C5orf34: variants seen among roughly 807,000 people sequenced by gnomAD.
The protein encoded by C5orf34 is uncharacterized protein C5orf34.
C5orf34 carries 73 observed loss-of-function variants against 78.4 expected under a neutral mutation model. The observed-to-expected ratio is 0.93, with a 90% CI of 0.77 to 1.13. The LOEUF (loss-of-function observed/expected upper bound fraction) is 1.13, where lower values mean the gene tolerates loss of function less well. Ranked by LOEUF, C5orf34 falls within the 50% of genes most tolerant of loss-of-function variation. The probability of loss-of-function intolerance (pLI) is 0.00; values close to 1 mark genes in which losing one functional copy is unlikely to be tolerated. For missense variants in C5orf34, 730 were observed against 732.7 expected (o/e 1.00, Z 0.04); for synonymous variants, 251 against 246.6 (o/e 1.02, Z -0.17).
At chr5:43,505,432 A>G (rs1745939021) in intron 4 of C5orf34, 2 of 242,746 alleles carry the variant, frequency 8.2e-6, no homozygotes, top group South Asian at 2.9e-4. Flanking sequence ...GCATACTTTA[A>G]TAATCTTTTT....
At chr5:43,490,557 T>C (rs1021979926) in intron 11 of C5orf34, 74 bp downstream of exon 11, 4 of 966,170 alleles carry the variant, frequency 4.1e-6, no homozygotes, top group Non-Finnish European at 4.8e-6. Flanking sequence ...AAAGTCTCAG[T>C]TTACCATTTG....
chr5:43,509,285 ATTGTAC>A lies in C5orf34; in HGVS notation c.49_54del (p.Val17_Gln18del), dbSNP rs1746120812. Reference sequence around the variant, plus strand: ...AGTTGCAATGTGGAACCATCAACATATTGTACTTGTACTGAATCATCTTCATAAAGT... The same window carrying A: ...AGTTGCAATGTGGAACCATCAACATATTGTACTGAATCATCTTCATAAAGT... On this transcript the variant is annotated inframe_deletion, in exon 2 of 13. Coordinates refer to ENST00000306862, the MANE Select transcript of C5orf34 (RefSeq NM_198566.4). The A allele has an allele frequency of 6.2e-7, 1 of 1,614,132 alleles. No individual in the cohort carries two copies. The highest frequency in any genetic ancestry group is 8.5e-7 in the Non-Finnish European group (1 of 1,179,998).
In C5orf34 at chr5:43,500,647, T is replaced by C. The variant is rs539225639; in HGVS notation, c.1152+1725A>G. ...CTGGCCTCATGTGATCCACCAGCCT[T>C]GGCCTCCCAAAGTGCTGTGATTACA... is the stretch of plus-strand genomic sequence containing the variant. On this transcript the variant is annotated intron_variant, in intron 6 of 12. Transcript: ENST00000306862. Among the ~76,000 whole-genome samples, 4 of 152,346 alleles carry C rather than the reference T, an allele frequency of 2.6e-5. No homozygotes were observed. The South Asian group carries it at 6.2e-4, about 24-fold the overall frequency.
At chr5:43,492,618 T>C in intron 9 of C5orf34, 102 bp downstream of exon 9, 7 of 1,018,356 alleles carry the variant, frequency 6.9e-6, no homozygotes, top group Non-Finnish European at 1.0e-5. Flanking sequence ...ACAGATTTTA[T>C]ACTTCAAAAA....
At chr5:43,513,067 C>T (rs546832661) in intron 1 of C5orf34, among the ~76,000 whole-genome samples, 3 of 151,988 alleles carry the variant, frequency 2.0e-5, no homozygotes, top group East Asian at 3.9e-4. Context: ...CAGGCGTGAG[C>T]CACCGCACCT....
Position 43,501,022 on chromosome 5 carries a change from C to A in C5orf34, c.1152+1350G>T, listed in dbSNP as rs1212975226. Among the ~76,000 whole-genome samples the A allele has an allele frequency of 2.6e-5, 4 of 152,294 alleles. No individual in the cohort carries two copies. The East Asian group carries it at 7.7e-4, about 29-fold the overall frequency. On this transcript the variant is annotated intron_variant, in intron 6 of 12. Transcript: ENST00000306862. ...TGCACACAAAGGTTGGAGAGTGAAG[C>A]CCAAGGCAGTCCACCACAAATGCGT...
In C5orf34 at chr5:43,486,955, A is replaced by T. The variant is rs1204750557; in HGVS notation, c.1877T>A (p.Leu626His). 6.4e-7 allele frequency: 1 copy of T among 1,558,250 alleles called. No homozygotes were observed. The highest frequency in any genetic ancestry group is 8.6e-7 in the Non-Finnish European group (1 of 1,158,016). ...TGATAGAAGACAGTCAATATCGTGA[A>T]GGATTTCAGAGGTTTTTTTCAATGC... ...SIALKKTSEI[L>H]HDIDCLLSNS... Residue 626 changes from leucine (L) to histidine (H), a missense_variant, in exon 13 of 13, where the codon CTT (leucine) becomes CAT (histidine). Leu to His is a moderately conservative substitution (Grantham distance 99). Transcript: ENST00000306862.
chr5:43,514,658 C>G (rs1441783788), intron 1 of C5orf34, 148 bp downstream of exon 1: 2 of 152,182 alleles, frequency 1.3e-5, no homozygotes, highest in Non-Finnish European at 2.9e-5. Flanking sequence ...TCTCATCACC[C>G]AGCACATTAC....
At chr5:43,498,672 T>C (rs2112296009) in intron 6 of C5orf34, among the ~76,000 whole-genome samples, 1 of 152,314 alleles carries the variant, frequency 6.6e-6, no homozygotes, top group South Asian at 2.1e-4. Flanking sequence ...TGGCCTTCAC[T>C]TGAACTACTA....
intron 7 of C5orf34, among the ~76,000 whole-genome samples, 163 bp from the exon 8 acceptor site, chr5:43,493,775 G>A (rs1745384746): frequency 1.3e-5 from 2 of 152,218 alleles, no homozygotes; most frequent in Middle Eastern, 3.4e-3. Flanking sequence ...GCCCCTAGAA[G>A]GGAAATACTG....
At chr5:43,507,355 C>A (rs938688913) in intron 3 of C5orf34, among the ~76,000 whole-genome samples, 1 of 152,126 alleles carries the variant, frequency 6.6e-6, no homozygotes, top group Non-Finnish European at 1.5e-5. Context: ...CCTAAATTTA[C>A]CATGCTATCT....
intron 8 of C5orf34, 147 bp downstream of exon 8, chr5:43,493,396 T>C (rs1452046173): frequency 1.7e-6 from 1 of 586,884 alleles, no homozygotes; most frequent in Admixed American, 3.5e-5. Context: ...GTTTGTCTAC[T>C]AGGTAGGTAT....
intron 4 of C5orf34, among the ~76,000 whole-genome samples, chr5:43,504,148 T>C (rs550184171): frequency 6.6e-6 from 1 of 152,144 alleles, no homozygotes; most frequent in East Asian, 1.9e-4. Flanking sequence ...CCGTCTCTAC[T>C]AAAAATACAA....
At chr5:43,505,163 G>A (rs897228663) in intron 4 of C5orf34, among the ~76,000 whole-genome samples, 2 of 152,194 alleles carry the variant, frequency 1.3e-5, no homozygotes, top group Non-Finnish European at 2.9e-5. Flanking sequence ...CAAAGTTGAT[G>A]TTACAAATCT....
In C5orf34 at chr5:43,493,597, A is replaced by G. The variant is rs1745376383; in HGVS notation, c.1260T>C (p.Cys420=). 1.3e-6 allele frequency: 2 copies of G among 1,576,418 alleles called. No individual in the cohort carries two copies. Among genetic ancestry groups the G allele is most frequent in the Non-Finnish European group, 8.6e-7 (1 of 1,158,318 alleles). ...GGCTTAAAGAAAGTCTCATCTTCAC[A>G]CAATGTTGAAGAATTCTGTGAACAC... is the stretch of plus-strand genomic sequence containing the variant. The part of the protein sequence containing the change: ...IKQATRILQH[C]VKMRLSLSHN... Residue 420 remains cysteine (C), a synonymous_variant, in exon 8 of 13, where the codon TGT becomes TGC. Coordinates refer to ENST00000306862, the MANE Select transcript of C5orf34 (RefSeq NM_198566.4).
chr5:43,493,516 C>G, intron 8 of C5orf34, 27 bp downstream of exon 8: 2 of 1,310,546 alleles, frequency 1.5e-6, no homozygotes, highest in African/African-American at 1.5e-5. Context: ...TTAAAAATAT[C>G]TTGCTTTTAA....
At chr5:43,505,527 C>T in intron 4 of C5orf34, 1 of 472,618 alleles carries the variant, frequency 2.1e-6, no homozygotes, top group Non-Finnish European at 3.7e-6. Context: ...GGACTTAGCA[C>T]AGTATCTAGT....
intron 6 of C5orf34, among the ~76,000 whole-genome samples, chr5:43,496,703 C>T (rs1745546058): frequency 6.6e-6 from 1 of 150,992 alleles, no homozygotes. Context: ...CCCACCTCAG[C>T]CTCCCAAGTA....
intron 6 of C5orf34, among the ~76,000 whole-genome samples, chr5:43,499,375 C>T (rs1353590487): frequency 6.6e-6 from 1 of 152,192 alleles, no homozygotes; most frequent in Admixed American, 6.5e-5. Flanking sequence ...GAGCCTCAAA[C>T]ACTGGGTCTG....
Sources: gnomAD v4.1 joint callset for allele counts (sites outside exome capture counted in the v4.1 genomes callset) on GRCh38, gnomAD v4.1.1 for gene constraint, MANE v1.5 for transcripts, NCBI Gene and HGNC (gene_info 2026-07-23, HGNC 2026-07-21) for gene names.